The following IGSF21 variants were observed in gnomAD, a reference collection of about 807,000 sequenced individuals.
IGSF21 encodes immunoglobulin superfamily member 21.
Under a neutral mutation model 46.8 loss-of-function variants are expected in IGSF21, and 28 were observed. The ratio of observed to expected loss-of-function variants is 0.60; its 90% CI spans 0.44 to 0.82. The LOEUF (loss-of-function observed/expected upper bound fraction) is 0.82. Among genes scored for constraint, IGSF21 ranks in the 40% least tolerant of loss-of-function variants. IGSF21 has a pLI of 0.00. For missense variants in IGSF21, 624 were observed against 665.5 expected (o/e 0.94, Z 0.69); for synonymous variants, 284 against 273.6 (o/e 1.04, Z -0.38).
At chr1:18,181,125 C>G (rs923744366) in intron 1 of IGSF21, among the ~76,000 whole-genome samples, 1 of 152,200 alleles carries the variant, frequency 6.6e-6, no homozygotes, top group Non-Finnish European at 1.5e-5. Context: ...TGCTGCCTCC[C>G]CTCCTCCTAG....
chr1:18,156,148 G>A (rs2086566433), intron 1 of IGSF21, among the ~76,000 whole-genome samples: 1 of 152,182 alleles, frequency 6.6e-6, no homozygotes, highest in Non-Finnish European at 1.5e-5. Context: ...TAGCCCTAGA[G>A]GAACATTCTG....
chr1:18,151,144 C>A (rs2086518612), intron 1 of IGSF21, among the ~76,000 whole-genome samples: 1 of 152,216 alleles, frequency 6.6e-6, no homozygotes, highest in Non-Finnish European at 1.5e-5. Flanking sequence ...TTCATCACTT[C>A]ATTTAGGTCT....
chr1:18,147,029 A>G (rs565840952), intron 1 of IGSF21, among the ~76,000 whole-genome samples: 1 of 152,202 alleles, frequency 6.6e-6, no homozygotes, highest in East Asian at 1.9e-4. Flanking sequence ...TCTTCCCCCA[A>G]TACATCCTGC....
intron 2 of IGSF21, among the ~76,000 whole-genome samples, chr1:18,255,273 A>G (rs2084880445): frequency 6.6e-6 from 1 of 152,118 alleles, no homozygotes; most frequent in Non-Finnish European, 1.5e-5. Context: ...GTACCTGCTC[A>G]TTACTCACCC....
chr1:18,367,766 C>A (rs2086182816), intron 6 of IGSF21, among the ~76,000 whole-genome samples: 1 of 123,758 alleles, frequency 8.1e-6, no homozygotes, highest in African/African-American at 3.2e-5. Context: ...TCCACCACAT[C>A]CTGCTAATTT....
chr1:18,217,976 C>T (rs1399826298), intron 1 of IGSF21, among the ~76,000 whole-genome samples: 1 of 152,174 alleles, frequency 6.6e-6, no homozygotes, highest in Non-Finnish European at 1.5e-5. Flanking sequence ...TTTTTCATTC[C>T]TTCAACAATT....
At chr1:18,258,766 G>A (rs1249198762) in intron 2 of IGSF21, among the ~76,000 whole-genome samples, 3 of 152,180 alleles carry the variant, frequency 2.0e-5, no homozygotes, top group Non-Finnish European at 2.9e-5. Flanking sequence ...CCTTCCATGT[G>A]ATCTTGTGAG....
chr1:18,331,914 A>G (rs76693461), intron 3 of IGSF21, among the ~76,000 whole-genome samples: 1 of 152,206 alleles, frequency 6.6e-6, no homozygotes, highest in East Asian at 1.9e-4. Flanking sequence ...CCTTGGGCTA[A>G]TGGTGGAGGA....
At chr1:18,110,927 CG>C (rs2086137770) in intron 1 of IGSF21, 1 of 152,388 alleles carries the variant, frequency 6.6e-6, no homozygotes, top group Middle Eastern at 3.4e-3. Context: ...GGGTAGCCCA[CG>C]GCCCCAGCCG....
intron 4 of IGSF21, among the ~76,000 whole-genome samples, chr1:18,338,903 G>T (rs1242918462): frequency 6.6e-6 from 1 of 151,826 alleles, no homozygotes; most frequent in East Asian, 1.9e-4. Context: ...GGTTAGGGGG[G>T]AGGGAGCGTG....
In IGSF21 at chr1:18,281,107, A is replaced by G. The variant is rs538316300; in HGVS notation, c.184-10759A>G. Among the ~76,000 whole-genome samples, 7 of 152,370 alleles carry G rather than the reference A, an allele frequency of 4.6e-5. No homozygotes were observed. In the South Asian group the frequency reaches 1.4e-3, roughly 32 times the overall value. ...CCTGGCCTGCAGGAGGTGTTTATGA[A>G]TGAAGAAATGAACGAATGAATGAAT... On this transcript the variant is annotated intron_variant, in intron 2 of 9. Coordinates refer to ENST00000251296, the MANE Select transcript of IGSF21 (RefSeq NM_032880.5).
chr1:18,374,402 C>T (rs2124639508), intron 6 of IGSF21, among the ~76,000 whole-genome samples: 1 of 152,280 alleles, frequency 6.6e-6, no homozygotes. Context: ...CCTAACGGCC[C>T]CGCGTGTTAG....
chr1:18,220,699 T>A (rs1209673818), intron 1 of IGSF21, among the ~76,000 whole-genome samples: 1 of 150,870 alleles, frequency 6.6e-6, no homozygotes, highest in East Asian at 2.0e-4. Flanking sequence ...GTTTGAGGAG[T>A]TGTTTTCTTG....
chr1:18,178,812 C>T (rs950390137), intron 1 of IGSF21, among the ~76,000 whole-genome samples: 1 of 150,356 alleles, frequency 6.7e-6, no homozygotes, highest in Non-Finnish European at 1.5e-5. Flanking sequence ...TGCCTGTTTT[C>T]CAGACCCCCA....
intron 3 of IGSF21, among the ~76,000 whole-genome samples, chr1:18,293,390 T>C (rs1046837400): frequency 2.0e-5 from 3 of 152,198 alleles, no homozygotes; most frequent in African/African-American, 7.2e-5. Context: ...CATCCTCCTC[T>C]GCCTGCTTTT....
chr1:18,286,133 C>T (rs1415550715), intron 2 of IGSF21, among the ~76,000 whole-genome samples: 1 of 152,210 alleles, frequency 6.6e-6, no homozygotes, highest in African/African-American at 2.4e-5. Flanking sequence ...TTTCCCATAT[C>T]CCCAACCTCA....
intron 3 of IGSF21, among the ~76,000 whole-genome samples, chr1:18,307,518 C>T (rs1178196443): frequency 2.0e-5 from 3 of 152,232 alleles, no homozygotes; most frequent in African/African-American, 2.4e-5. Context: ...GGTTAAGTGA[C>T]TTGCCCAAGG....
In IGSF21 at chr1:18,376,341, G is replaced by A. The variant is rs780949632; in HGVS notation, c.1047G>A (p.Thr349=). 27 of 1,613,692 alleles carry A rather than the reference G, an allele frequency of 1.7e-5. No individual in the cohort carries two copies. Among genetic ancestry groups the A allele is most frequent in the East Asian group, 2.2e-5 (1 of 44,848 alleles). ...CCAAAGGACCCAAAATTGTGATGAC[G>A]CCCAGCAGAGCCCGGGTAGGGGACA... ...VAPKGPKIVM[T]PSRARVGDTV... Residue 349 remains threonine (T), a synonymous_variant, in exon 7 of 10, where the codon ACG becomes ACA. Transcript: ENST00000251296.
chr1:18,213,461 G>T (rs2084412303), intron 1 of IGSF21, among the ~76,000 whole-genome samples: 1 of 152,156 alleles, frequency 6.6e-6, no homozygotes, highest in Non-Finnish European at 1.5e-5. Context: ...CCTCTGCCAA[G>T]TCCTCAGAGC....
Sources: gnomAD v4.1 joint callset for allele counts (sites outside exome capture counted in the v4.1 genomes callset) on GRCh38, gnomAD v4.1.1 for gene constraint, MANE v1.5 for transcripts, NCBI Gene and HGNC (gene_info 2026-07-23, HGNC 2026-07-21) for gene names.